The following WDR73 variants were observed in gnomAD, a reference collection of about 807,000 sequenced individuals.
WDR73 encodes the protein WD repeat domain 73, also known as integrator complex assembly factor WDR73.
In WDR73, 30 loss-of-function variants were observed where a neutral mutation model predicts 38.2. The ratio of observed to expected loss-of-function variants is 0.79; its 90% CI spans 0.59 to 1.06. The LOEUF (loss-of-function observed/expected upper bound fraction) is 1.06, where lower values mean the gene tolerates loss of function less well. Ranked by LOEUF, WDR73 falls within the 50% of genes least tolerant of loss-of-function variation. The pLI, the probability that WDR73 is intolerant of heterozygous loss-of-function variation, is 0.00. For synonymous variants in WDR73, 197 were observed against 176.0 expected, an observed-to-expected ratio of 1.12 and a Z score of -0.94; for missense variants, 487 against 467.0, an observed-to-expected ratio of 1.04 and a Z score of -0.40.
At chr15:84,644,575 CT>C (rs397853712) in intron 7 of WDR73, 2,382 of 109,574 alleles carry the variant, frequency 0.022, 37 homozygotes, top group Admixed American at 0.082. Context: ...TGGCTTGCTA[CT>C]TTTTTTTTTT....
rs1239049837 is a variant in WDR73, at chr15:84,648,628, A to G, written c.199-3T>C. 1 of 1,611,818 alleles carries G rather than the reference A, an allele frequency of 6.2e-7. No homozygotes were observed. Among genetic ancestry groups the G allele is most frequent in the Non-Finnish European group, 8.5e-7 (1 of 1,177,944 alleles). Reference sequence around the variant, plus strand: ...AAATCTCTTTCTGGGAATAAGCCCTAAAATACAAAGGAGTAGCCAATCAGA... The same window carrying G: ...AAATCTCTTTCTGGGAATAAGCCCTGAAATACAAAGGAGTAGCCAATCAGA... On this transcript the variant is annotated splice_region_variant and splice_polypyrimidine_tract_variant and intron_variant, in intron 3 of 7. Coordinates refer to ENST00000434634, the MANE Select transcript of WDR73 (RefSeq NM_032856.5).
In WDR73 at chr15:84,643,236, C is replaced by G; in HGVS notation, c.*234G>C. ...TTCACACTCCCAGATCTAACAATAG[C>G]TACCAAGTAATTATGCCATGCGTTT... On this transcript the variant is annotated 3_prime_UTR_variant, in exon 8 of 8. Coordinates refer to ENST00000434634, the MANE Select transcript of WDR73 (RefSeq NM_032856.5). 1.8e-6 allele frequency: 1 copy of G among 555,110 alleles called. No homozygotes were observed. Among genetic ancestry groups the G allele is most frequent in the Non-Finnish European group, 3.2e-6 (1 of 313,350 alleles). 34.4% of individuals were successfully genotyped at this position (555,110 alleles called of 1,614,324 possible).
chr15:84,647,908 G>A lies in WDR73; in HGVS notation c.334C>T (p.Gln112Ter), dbSNP rs756843163. 6.8e-6 allele frequency: 11 copies of A among 1,613,796 alleles called. No homozygotes were observed. The highest frequency in any genetic ancestry group is 9.3e-6 in the Non-Finnish European group (11 of 1,179,886). The part of the protein sequence containing the change: ...GLPGCYLQVW[Q>*]VAEDSDVIKA... ...CACTCACCACTGTCCTCTGCAACCT[G>A]CCACACCTGCAGATAACAACCTGGA... The change falls in exon 5 of 8, where the codon CAG becomes TAG. Residue 112 changes from glutamine to a stop codon, truncating the protein, a stop_gained. Coordinates refer to ENST00000434634, the MANE Select transcript of WDR73 (RefSeq NM_032856.5). LOFTEE classifies it high-confidence loss of function.
At position 84,639,854 on chromosome 15, in the gene WDR73, C is replaced by G. The variant is rs1896206932; in HGVS notation, c.*3616G>C. 1 of 152,296 alleles carries G rather than the reference C, an allele frequency of 6.6e-6. No homozygotes were observed. Among genetic ancestry groups the G allele is most frequent in the Non-Finnish European group, 1.5e-5 (1 of 68,122 alleles). The allele number at this position is 152,296 out of a possible 1,614,324, so 9.4% of individuals were successfully genotyped here. ...TGGCTGAGCAGCTGTGAGAACATGGCTTCCTGTGGACCCTGGAGCAATGTT... is the reference window on the plus strand; with the variant it reads ...TGGCTGAGCAGCTGTGAGAACATGGGTTCCTGTGGACCCTGGAGCAATGTT... On this transcript the variant is annotated 3_prime_UTR_variant, in exon 8 of 8. Coordinates refer to ENST00000434634, the MANE Select transcript of WDR73 (RefSeq NM_032856.5).
intron 4 of WDR73, 123 bp from the exon 5 acceptor site, chr15:84,648,077 C>A: frequency 1.2e-6 from 1 of 834,632 alleles, no homozygotes; most frequent in Non-Finnish European, 2.0e-6. Context: ...ACTGCAAGAT[C>A]ATCAAGGCCA....
In WDR73 at chr15:84,640,234, G is replaced by T. The variant is rs1896216554; in HGVS notation, c.*3236C>A. The T allele has an allele frequency of 6.6e-6, 1 of 152,222 alleles. No individual in the cohort carries two copies. Among genetic ancestry groups the T allele is most frequent in the Admixed American group, 6.5e-5 (1 of 15,286 alleles). 9.4% of individuals were successfully genotyped at this position (152,222 alleles called of 1,614,324 possible). ...ACGCAGTCCTGTGGGAAGCATTCAG[G>T]CTCAGAATCAGGAGATGTGATTATT... On this transcript the variant is annotated 3_prime_UTR_variant, in exon 8 of 8. Transcript: ENST00000434634.
At position 84,646,315 on chromosome 15, in the gene WDR73, T is replaced by C; in HGVS notation, c.386A>G (p.His129Arg). Residue 129 changes from histidine to arginine, a missense_variant, in exon 6 of 8, where the codon CAT (histidine) becomes CGT (arginine). Physicochemically the swap from His to Arg is conservative, Grantham distance 29 (BLOSUM62 0). Transcript: ENST00000434634. ...AGGCCAGAGACTCTCCTCTTTCTCA[T>C]GCACAGCAATGGTGCTGACAGCTTT... ...VIKAVSTIAV[H>R]EKEESLWPRV... 2 of 1,613,840 alleles carry C rather than the reference T, an allele frequency of 1.2e-6. No homozygotes were observed. The highest frequency in any genetic ancestry group is 1.1e-5 in the South Asian group (1 of 91,074).
Position 84,652,102 on chromosome 15 carries a change from A to G in WDR73, c.198+612T>C, listed in dbSNP as rs986815713. ...AGGATGGTCCCGAACTCCTGACCTCATGATCCGCCCAACTCGGCCTCCCAA... is the reference window on the plus strand; with the variant it reads ...AGGATGGTCCCGAACTCCTGACCTCGTGATCCGCCCAACTCGGCCTCCCAA... On this transcript the variant is annotated intron_variant, in intron 3 of 7. Coordinates refer to ENST00000434634, the MANE Select transcript of WDR73 (RefSeq NM_032856.5). 4.6e-5 allele frequency among the ~76,000 whole-genome samples: 7 copies of G among 152,110 alleles called. No homozygotes were observed. The East Asian group carries it at 1.3e-3, about 29-fold the overall frequency.
At chr15:84,653,049 G>T (rs1026036369) in intron 2 of WDR73, 1 of 375,392 alleles carries the variant, frequency 2.7e-6, no homozygotes, top group South Asian at 7.3e-5. Context: ...CTTCAGAGTA[G>T]CTGGGATTAT....
Position 84,643,410 on chromosome 15 carries a change from A to T in WDR73, c.*60T>A. 6.5e-7 allele frequency: 1 copy of T among 1,530,282 alleles called. No individual in the cohort carries two copies. Among genetic ancestry groups the T allele is most frequent in the Non-Finnish European group, 8.8e-7 (1 of 1,135,996 alleles). The allele number at this position is 1,530,282 out of a possible 1,614,324, so 94.8% of individuals were successfully genotyped here. On this transcript the variant is annotated 3_prime_UTR_variant, in exon 8 of 8. Transcript: ENST00000434634. ...GTAGTCACTTGAGTCCTACATGAGC[A>T]CCCTTGCTACTACAGCAGCTCCTCC...
chr15:84,643,813 C>T (rs2141834048), intron 7 of WDR73, 90 bp from the exon 8 acceptor site: 3 of 1,404,204 alleles, frequency 2.1e-6, no homozygotes, highest in South Asian at 3.2e-5. Flanking sequence ...GATGGGGTTT[C>T]ACCATGTTGA....
intron 4 of WDR73, chr15:84,648,162 T>C (rs1896521781): frequency 1.6e-6 from 1 of 617,530 alleles, no homozygotes; most frequent in Admixed American, 2.6e-5. Context: ...CCATGTGTCA[T>C]GATGGTCACC....
At position 84,645,640 on chromosome 15, in the gene WDR73, C is replaced by T. The variant is rs1896426199; in HGVS notation, c.714G>A (p.Gly238=). 5.6e-6 allele frequency: 9 copies of T among 1,608,442 alleles called. No individual in the cohort carries two copies. The highest frequency in any genetic ancestry group is 7.6e-6 in the Non-Finnish European group (9 of 1,177,586). Residue 238 remains glycine (G), a synonymous_variant, in exon 7 of 8, where the codon GGG becomes GGA. Coordinates refer to ENST00000434634, the MANE Select transcript of WDR73 (RefSeq NM_032856.5). Reference sequence around the variant, plus strand: ...CTGAGCCAAGGCTGGCAATGCTGGGCCCAGGGCCCTGGCCCCAGCTCCCAA... The same window carrying T: ...CTGAGCCAAGGCTGGCAATGCTGGGTCCAGGGCCCTGGCCCCAGCTCCCAA... ...AEVGSWGQGP[G]PSIASLGSDG...
chr15:84,648,696 G>A (rs1896537316), intron 3 of WDR73, 71 bp from the exon 4 acceptor site: 1 of 1,251,386 alleles, frequency 8.0e-7, no homozygotes, highest in Middle Eastern at 1.9e-4. Flanking sequence ...TCTAAGTGAG[G>A]AGTCAGGTCC....
chr15:84,645,441 A>C (rs1896415826), intron 7 of WDR73, 30 bp downstream of exon 7: 12 of 1,609,160 alleles, frequency 7.5e-6, no homozygotes, highest in Non-Finnish European at 1.0e-5. Context: ...AAGAGATCAG[A>C]TAACAAGACG....
chr15:84,652,886 T>C (rs1896668235), intron 2 of WDR73, 84 bp from the exon 3 acceptor site: 2 of 794,344 alleles, frequency 2.5e-6, no homozygotes, highest in Admixed American at 5.8e-5. Context: ...GATACATTCC[T>C]TCACTGTGCA....
At position 84,645,556 on chromosome 15, in the gene WDR73, C is replaced by G. The variant is rs760810950; in HGVS notation, c.798G>C (p.Gln266His). Residue 266 changes from glutamine (Q) to histidine (H), a missense_variant, in exon 7 of 8, where the codon CAG (glutamine) becomes CAC (histidine). Gln to His is a conservative substitution (Grantham distance 24). Coordinates refer to ENST00000434634, the MANE Select transcript of WDR73 (RefSeq NM_032856.5). Reference sequence around the variant, plus strand: ...CAGGGCTAGGTACGGATACTGGGCACTGGACTGAGCTCACAGGATGGCAGA... The same window carrying G: ...CAGGGCTAGGTACGGATACTGGGCAGTGGACTGAGCTCACAGGATGGCAGA... Reference protein sequence around the residue: ...RDLCHPVSSVQCPVSVPSPDP... With the variant: ...RDLCHPVSSVHCPVSVPSPDP... 1.5e-5 allele frequency: 24 copies of G among 1,611,716 alleles called. No individual in the cohort carries two copies. In the South Asian group the frequency reaches 2.6e-4, roughly 18 times the overall value.
In WDR73 at chr15:84,650,400, C is replaced by T. The variant is rs902427183; in HGVS notation, c.199-1775G>A. On this transcript the variant is annotated intron_variant, in intron 3 of 7. Transcript: ENST00000434634. ...TTTTTGAGACGGAGTCTCACTCTGTCACCCAGGCTGGATGCAGTGGCTTGA... is the reference window on the plus strand; with the variant it reads ...TTTTTGAGACGGAGTCTCACTCTGTTACCCAGGCTGGATGCAGTGGCTTGA... 6.6e-5 allele frequency among the ~76,000 whole-genome samples: 10 copies of T among 152,030 alleles called. No individual in the cohort carries two copies. The East Asian group carries it at 1.6e-3, about 24-fold the overall frequency.
chr15:84,653,652 A>G lies in WDR73; in HGVS notation c.89T>C (p.Leu30Pro). The change falls in exon 2 of 8, where the codon CTT becomes CCT. Residue 30 changes from leucine to proline, a missense_variant. Coordinates refer to ENST00000434634, the MANE Select transcript of WDR73 (RefSeq NM_032856.5). ...ACCACCTTTGTCATCAATCCATTCA[A>G]GGACTCGAGTGGCTCCTGACAGGTC... ...AFDLSGATRV[L>P]EWIDDKGVFV... The G allele has an allele frequency of 1.9e-6, 3 of 1,594,830 alleles. No individual in the cohort carries two copies. The highest frequency in any genetic ancestry group is 1.1e-5 in the South Asian group (1 of 87,660).
Sources: allele counts gnomAD v4.1 joint callset (sites outside exome capture counted in the v4.1 genomes callset), GRCh38; gene constraint gnomAD v4.1.1; transcripts MANE v1.5; gene names NCBI Gene and HGNC (gene_info 2026-07-23, HGNC 2026-07-21).